PTBP3: variants seen among roughly 807,000 people sequenced by gnomAD.
The protein encoded by PTBP3 is polypyrimidine tract binding protein 3, also known as polypyrimidine tract-binding protein 3.
Under a neutral mutation model 58.7 loss-of-function variants are expected in PTBP3, and 20 were observed. The ratio of observed to expected loss-of-function variants is 0.34; its 90% CI spans 0.24 to 0.50. The LOEUF (loss-of-function observed/expected upper bound fraction) is 0.50. PTBP3 is among the 20% of genes least tolerant of loss of function. The pLI is 0.98. For missense variants in PTBP3, 509 were observed against 637.2 expected, an observed-to-expected ratio of 0.80 and a Z score of 2.17; for synonymous variants, 185 against 219.8, an observed-to-expected ratio of 0.84 and a Z score of 1.40.
chr9:112,264,691 A>G (rs1269334991), intron 4 of PTBP3, among the ~76,000 whole-genome samples: 2 of 152,178 alleles, frequency 1.3e-5, no homozygotes, highest in African/African-American at 2.4e-5. Context: ...AAATTATTGC[A>G]TTTTATCAAA....
At chr9:112,330,884 A>G (rs576341159) in intron 1 of PTBP3, among the ~76,000 whole-genome samples, 1 of 152,346 alleles carries the variant, frequency 6.6e-6, no homozygotes, top group South Asian at 2.1e-4. Flanking sequence ...TGGATTTTAC[A>G]GAAATAGAAG....
At chr9:112,242,107 T>C (rs1180213494) in intron 7 of PTBP3, among the ~76,000 whole-genome samples, 2 of 152,216 alleles carry the variant, frequency 1.3e-5, no homozygotes, top group African/African-American at 2.4e-5. Flanking sequence ...ACACCTAATA[T>C]TAAATCACAT....
intron 5 of PTBP3, among the ~76,000 whole-genome samples, chr9:112,259,927 T>C (rs1836521417): frequency 6.6e-6 from 1 of 152,220 alleles, no homozygotes; most frequent in Admixed American, 6.5e-5. Context: ...TTAGAGCTAA[T>C]ACTTCTTGGG....
At chr9:112,267,358 G>T (rs934013722) in intron 4 of PTBP3, among the ~76,000 whole-genome samples, 5 of 151,824 alleles carry the variant, frequency 3.3e-5, no homozygotes, top group Non-Finnish European at 7.4e-5. Flanking sequence ...TAGTACAGAC[G>T]GGGTTTCACT....
intron 8 of PTBP3, 46 bp downstream of exon 8, chr9:112,234,774 T>C (rs755762458): frequency 1.4e-5 from 21 of 1,526,486 alleles, no homozygotes; most frequent in East Asian, 2.3e-5. Context: ...CTAGAAAATA[T>C]ACAACTTCAT....
At chr9:112,369,424 G>A in the PTBP3 span, among the ~76,000 whole-genome samples, 9 of 152,220 alleles carry the variant, frequency 5.9e-5, no homozygotes, top group Non-Finnish European at 1.2e-4. Flanking sequence ...TGACCTGGAT[G>A]TGAGACACGG....
intron 1 of PTBP3, among the ~76,000 whole-genome samples, chr9:112,308,496 T>C (rs1391790184): frequency 6.6e-6 from 1 of 152,210 alleles, no homozygotes; most frequent in East Asian, 1.9e-4. Flanking sequence ...AATATTTATA[T>C]CCTAAGTGTC....
intron 1 of PTBP3, among the ~76,000 whole-genome samples, chr9:112,305,454 A>G (rs533117427): frequency 4.7e-4 from 71 of 152,228 alleles, no homozygotes; most frequent in African/African-American, 1.7e-3. Context: ...GAGTTCCAAC[A>G]AAAACTGTAA....
At chr9:112,251,411 C>A (rs926034657) in intron 6 of PTBP3, among the ~76,000 whole-genome samples, 1 of 152,084 alleles carries the variant, frequency 6.6e-6, no homozygotes, top group African/African-American at 2.4e-5. Context: ...GAAATGTTCA[C>A]TATTATTATG....
At chr9:112,368,497 C>G in the PTBP3 span, among the ~76,000 whole-genome samples, 2 of 149,032 alleles carry the variant, frequency 1.3e-5, no homozygotes, top group African/African-American at 5.0e-5. Context: ...AGGGAGCACA[C>G]TGTGAAAGGA....
chr9:112,323,461 T>C (rs1169534387), intron 1 of PTBP3, among the ~76,000 whole-genome samples: 1 of 152,196 alleles, frequency 6.6e-6, no homozygotes. Flanking sequence ...TATTGGCCTC[T>C]ATGCACATCA....
At chr9:112,319,133 A>G (rs1457385523) in intron 1 of PTBP3, among the ~76,000 whole-genome samples, 2 of 147,636 alleles carry the variant, frequency 1.4e-5, no homozygotes, top group African/African-American at 4.9e-5. Flanking sequence ...GTCTCAAGAA[A>G]AAAAAAAAAA....
the PTBP3 span, among the ~76,000 whole-genome samples, chr9:112,357,406 A>T: frequency 3.3e-5 from 5 of 152,030 alleles, no homozygotes; most frequent in Non-Finnish European, 7.4e-5. Flanking sequence ...GCTGGTGTGC[A>T]GTGGTGCAAT....
At chr9:112,267,337 T>G (rs1836845501) in intron 4 of PTBP3, among the ~76,000 whole-genome samples, 2 of 152,110 alleles carry the variant, frequency 1.3e-5, no homozygotes, top group South Asian at 4.1e-4. Context: ...GGCTAATTTT[T>G]TTTGTATTTT....
At chr9:112,379,043 G>C in the PTBP3 span, among the ~76,000 whole-genome samples, 1 of 152,134 alleles carries the variant, frequency 6.6e-6, no homozygotes, top group Admixed American at 6.5e-5. Flanking sequence ...AAAAAAATTA[G>C]CCAGGCGTGG....
intron 1 of PTBP3, among the ~76,000 whole-genome samples, chr9:112,302,705 C>G (rs1434907869): frequency 6.7e-6 from 1 of 148,386 alleles, no homozygotes; most frequent in Non-Finnish European, 1.5e-5. Flanking sequence ...TCTCGTGTCT[C>G]AGCCTCCTGA....
At chr9:112,325,944 G>A (rs998142627) in intron 1 of PTBP3, among the ~76,000 whole-genome samples, 4 of 151,692 alleles carry the variant, frequency 2.6e-5, no homozygotes, top group African/African-American at 9.8e-5. Flanking sequence ...CCTGAGCCCA[G>A]GAAGTTGAGA....
At position 112,323,264 on chromosome 9, in the gene PTBP3, A is replaced by C. The variant is rs147265984; in HGVS notation, c.-52+10206T>G. ...CAAAATCCTATCTCAAAAAACAGAC[A>C]CCACATGGGAGGATCCAGTTAAATC... is the stretch of plus-strand genomic sequence containing the variant. On this transcript the variant is annotated intron_variant, in intron 1 of 13. Transcript: ENST00000374257. 2.5e-3 allele frequency among the ~76,000 whole-genome samples: 384 copies of C among 152,310 alleles called. 3 individuals carry two copies. Among genetic ancestry groups the C allele is most frequent in the African/African-American group, 8.8e-3 (364 of 41,568 alleles).
At chr9:112,248,770 T>C (rs1835985548) in intron 7 of PTBP3, among the ~76,000 whole-genome samples, 1 of 152,174 alleles carries the variant, frequency 6.6e-6, no homozygotes, top group Non-Finnish European at 1.5e-5. Flanking sequence ...ACCCAACAAT[T>C]CCTTTCCTAT....
Sources: allele counts gnomAD v4.1 joint callset (sites outside exome capture counted in the v4.1 genomes callset), GRCh38; gene constraint gnomAD v4.1.1; transcripts MANE v1.5; gene names NCBI Gene and HGNC (gene_info 2026-07-23, HGNC 2026-07-21).